Variants in HTR1E observed in about 807,000 individuals in gnomAD.
HTR1E encodes 5-hydroxytryptamine receptor 1E, also known as 5-HT-1E.
A neutral mutation model predicts 3.4 loss-of-function variants in HTR1E; 3 were observed. That is an observed-to-expected ratio of 0.89 (90% CI 0.41 to 2.31). HTR1E has a LOEUF of 2.31. Among genes scored for constraint, HTR1E ranks in the 30% most tolerant of loss-of-function variants. HTR1E has a pLI of 0.05. For missense variants in HTR1E, 392 were observed against 467.0 expected (o/e 0.84, Z 1.48); for synonymous variants, 170 against 182.8 (o/e 0.93, Z 0.56).
At chr6:86,969,906 T>A (rs1199185397) in intron 1 of HTR1E, among the ~76,000 whole-genome samples, 1 of 152,100 alleles carries the variant, frequency 6.6e-6, no homozygotes, top group Admixed American at 6.6e-5. Context: ...AAACCAGAAG[T>A]CATCTTACAA....
chr6:87,014,047 G>A (rs1184966701), intron 1 of HTR1E, among the ~76,000 whole-genome samples: 2 of 152,000 alleles, frequency 1.3e-5, no homozygotes, highest in African/African-American at 4.8e-5. Flanking sequence ...ACTCATAGGT[G>A]GGAATTGAAC....
chr6:87,009,785 AC>A (rs1198702344), intron 1 of HTR1E, among the ~76,000 whole-genome samples: 1 of 97,554 alleles, frequency 1.0e-5, no homozygotes, highest in Non-Finnish European at 1.9e-5. Flanking sequence ...AGGGGGGCTG[AC>A]CTCCCCCACC....
chr6:86,974,548 T>C (rs907127834), intron 1 of HTR1E, among the ~76,000 whole-genome samples: 4 of 152,218 alleles, frequency 2.6e-5, no homozygotes, highest in African/African-American at 9.6e-5. Context: ...GCACCTTCAG[T>C]AGAAATATCA....
chr6:86,955,733 T>C (rs1486988494), intron 1 of HTR1E, among the ~76,000 whole-genome samples: 3 of 151,302 alleles, frequency 2.0e-5, no homozygotes, highest in East Asian at 3.9e-4. Context: ...TGAGAGAGAG[T>C]GTGTGTGTGT....
rs531179042 is a variant in HTR1E at position 87,009,814 on chromosome 6, G to A, written c.-185-5336G>A. On this transcript the variant is annotated intron_variant, in intron 1 of 1. Coordinates refer to ENST00000305344, the MANE Select transcript of HTR1E (RefSeq NM_000865.3). ...CCCCCACCTCCCTCCCGGACGGGGC[G>A]GCTGGCCGGGCGGGGGGACTGACCC... is the stretch of plus-strand genomic sequence containing the variant. Among the ~76,000 whole-genome samples the A allele has an allele frequency of 2.1e-3, 260 of 126,146 alleles. 21 individuals carry two copies. Among genetic ancestry groups the A allele is most frequent in the African/African-American group, 8.2e-3 (243 of 29,520 alleles). The allele number at this position is 126,146 out of a possible 152,430, so 82.8% of individuals were successfully genotyped here. A position where few individuals can be genotyped will look rare whatever the true frequency, so the allele number is the denominator to read the frequency against.
chr6:86,939,225 A>C (rs1185026377), intron 1 of HTR1E, among the ~76,000 whole-genome samples: 3 of 152,220 alleles, frequency 2.0e-5, no homozygotes, highest in African/African-American at 7.2e-5. Flanking sequence ...TCAGAGCTTT[A>C]GCCTCCAGCC....
At chr6:86,945,201 C>G (rs375489134) in intron 1 of HTR1E, among the ~76,000 whole-genome samples, 1 of 152,066 alleles carries the variant, frequency 6.6e-6, no homozygotes. Flanking sequence ...TAATCCTGAG[C>G]CTGTGTAGGC....
At chr6:86,938,878 A>G (rs747098654) in intron 1 of HTR1E, among the ~76,000 whole-genome samples, 1 of 152,212 alleles carries the variant, frequency 6.6e-6, no homozygotes, top group Non-Finnish European at 1.5e-5. Flanking sequence ...TTGCTCCAGA[A>G]TATATATTTA....
intron 1 of HTR1E, among the ~76,000 whole-genome samples, chr6:86,959,170 G>C (rs1386468806): frequency 6.6e-6 from 1 of 151,998 alleles, no homozygotes; most frequent in East Asian, 1.9e-4. Flanking sequence ...TTTTTCTCTT[G>C]AGGCCTTCAA....
At chr6:86,977,145 C>G (rs957862375) in intron 1 of HTR1E, among the ~76,000 whole-genome samples, 1 of 152,078 alleles carries the variant, frequency 6.6e-6, no homozygotes, top group Non-Finnish European at 1.5e-5. Context: ...AGGGAGTAAG[C>G]TTAGTACCCA....
chr6:86,991,768 A>G (rs1473263097), intron 1 of HTR1E, among the ~76,000 whole-genome samples: 1 of 152,226 alleles, frequency 6.6e-6, no homozygotes, highest in Non-Finnish European at 1.5e-5. Flanking sequence ...CAAGTAAACC[A>G]GATTTCACAG....
chr6:87,010,894 G>A (rs1451621483), intron 1 of HTR1E, among the ~76,000 whole-genome samples: 2 of 152,302 alleles, frequency 1.3e-5, no homozygotes, highest in African/African-American at 4.8e-5. Flanking sequence ...ACTTCTTATC[G>A]CCCTCCTTGT....
chr6:86,942,870 G>T (rs117297904), intron 1 of HTR1E, among the ~76,000 whole-genome samples: 2 of 152,254 alleles, frequency 1.3e-5, no homozygotes, highest in South Asian at 4.1e-4. Context: ...ACCAAGAAGG[G>T]ATGAAAAATG....
At chr6:86,992,901 T>C (rs1767890661) in intron 1 of HTR1E, among the ~76,000 whole-genome samples, 1 of 152,170 alleles carries the variant, frequency 6.6e-6, no homozygotes, top group South Asian at 2.1e-4. Flanking sequence ...TGTTTCTCAC[T>C]CATATCACCA....
intron 1 of HTR1E, among the ~76,000 whole-genome samples, chr6:86,960,593 G>A (rs767406897): frequency 6.6e-6 from 1 of 152,212 alleles, no homozygotes; most frequent in African/African-American, 2.4e-5. Context: ...CCATTGAGCT[G>A]TAGTGGGTGG....
At chr6:86,953,089 C>T (rs1767268561) in intron 1 of HTR1E, among the ~76,000 whole-genome samples, 1 of 152,202 alleles carries the variant, frequency 6.6e-6, no homozygotes, top group Non-Finnish European at 1.5e-5. Flanking sequence ...ATATTCTTTA[C>T]ATAGCTTTGT....
In HTR1E at chr6:86,971,221, T is replaced by C. The variant is rs112325295; in HGVS notation, c.-186+33398T>C. ...GTCTACCATGATTATTTTTATAATC[T>C]AATCCATTAGTAAACAGTAACTGTT... On this transcript the variant is annotated intron_variant, in intron 1 of 1. Coordinates refer to ENST00000305344, the MANE Select transcript of HTR1E (RefSeq NM_000865.3). The C allele has an allele frequency of 1.3e-3, 471 of 360,392 alleles. 4 individuals are homozygous for C. Among genetic ancestry groups the C allele is most frequent in the Middle Eastern group, 4.8e-3 (5 of 1,052 alleles). The allele number at this position is 360,392 out of a possible 1,614,324, so 22.3% of individuals were successfully genotyped here.
chr6:87,010,869 C>T (rs1025647115), intron 1 of HTR1E, among the ~76,000 whole-genome samples: 3 of 152,152 alleles, frequency 2.0e-5, no homozygotes, highest in Non-Finnish European at 2.9e-5. Flanking sequence ...CGGCGCTCGC[C>T]GGCCTATACG....
Position 87,016,424 on chromosome 6 carries a change from C to T in HTR1E, c.1090C>T (p.His364Tyr). 1 of 1,584,926 alleles carries T rather than the reference C, an allele frequency of 6.3e-7. No individual in the cohort carries two copies. Among genetic ancestry groups the T allele is most frequent in the Non-Finnish European group, 8.6e-7 (1 of 1,162,498 alleles). Residue 364 changes from histidine (H) to tyrosine (Y), a missense_variant, in exon 2 of 2, where the codon CAT (histidine) becomes TAT (tyrosine). By Grantham distance (83) the His-to-Tyr change is moderately conservative. Transcript: ENST00000305344. ...AFKKLIRCRE[H>Y]T ...TAAAAAGCTCATTAGATGCCGAGAG[C>T]ATACTTAGACTGTAAAAAGCTAAAA...
Sources: gnomAD v4.1 joint callset for allele counts (sites outside exome capture counted in the v4.1 genomes callset) on GRCh38, gnomAD v4.1.1 for gene constraint, MANE v1.5 for transcripts, NCBI Gene and HGNC (gene_info 2026-07-23, HGNC 2026-07-21) for gene names.